ALK: variants seen among roughly 807,000 people sequenced by gnomAD.
ALK encodes the protein ALK tyrosine kinase receptor.
A neutral mutation model predicts 163.1 loss-of-function variants in ALK; 74 were observed. That is an observed-to-expected ratio of 0.45 (90% CI 0.38 to 0.55). The LOEUF is 0.55. ALK is among the 20% of genes least tolerant of loss of function. The probability of loss-of-function intolerance (pLI) is 0.00; values close to 1 mark genes in which losing one functional copy is unlikely to be tolerated. For missense variants in ALK, 2,063 were observed against 2,105.3 expected (o/e 0.98, Z 0.39); for synonymous variants, 960 against 843.2 (o/e 1.14, Z -2.40).
At chr2:29,616,085 C>T (rs1295199155) in intron 3 of ALK, among the ~76,000 whole-genome samples, 1 of 152,214 alleles carries the variant, frequency 6.6e-6, no homozygotes, top group Non-Finnish European at 1.5e-5. Flanking sequence ...AGGCCGACAT[C>T]TCTACAGCGG....
At chr2:29,685,495 A>G (rs953744032) in intron 3 of ALK, among the ~76,000 whole-genome samples, 1 of 152,162 alleles carries the variant, frequency 6.6e-6, no homozygotes, top group Non-Finnish European at 1.5e-5. Context: ...TTCTGTTTAT[A>G]GTGGAGGAGA....
intron 12 of ALK, among the ~76,000 whole-genome samples, chr2:29,250,200 G>A (rs1476223256): frequency 3.9e-5 from 6 of 152,184 alleles, no homozygotes; most frequent in Admixed American, 6.5e-5. Flanking sequence ...CTCCATGGTG[G>A]AGCCACGGGA....
At chr2:29,560,144 A>C (rs553320734) in intron 3 of ALK, among the ~76,000 whole-genome samples, 1 of 152,232 alleles carries the variant, frequency 6.6e-6, no homozygotes, top group African/African-American at 2.4e-5. Context: ...AGATTTGTAC[A>C]TGACTGTCCA....
chr2:29,644,421 C>A (rs1676814108), intron 3 of ALK, among the ~76,000 whole-genome samples: 1 of 151,862 alleles, frequency 6.6e-6, no homozygotes, highest in South Asian at 2.1e-4. Context: ...GGAAAGAAAT[C>A]TAGTAGTTTC....
chr2:29,722,004 A>T (rs1175788974), intron 1 of ALK, among the ~76,000 whole-genome samples: 2 of 152,222 alleles, frequency 1.3e-5, no homozygotes, highest in African/African-American at 2.4e-5. Context: ...TACATTGAAC[A>T]ACTCTAGGTC....
At chr2:29,790,957 G>T (rs1448207940) in intron 1 of ALK, among the ~76,000 whole-genome samples, 1 of 152,124 alleles carries the variant, frequency 6.6e-6, no homozygotes, top group African/African-American at 2.4e-5. Flanking sequence ...GACAGCAAAG[G>T]CTCTGAAGCC....
At chr2:29,386,647 C>G (rs535494529) in intron 4 of ALK, among the ~76,000 whole-genome samples, 1 of 152,212 alleles carries the variant, frequency 6.6e-6, no homozygotes, top group Non-Finnish European at 1.5e-5. Context: ...TATATTGGCA[C>G]TAGCCCTCTG....
chr2:29,884,228 G>A (rs988590489), intron 1 of ALK, among the ~76,000 whole-genome samples: 1 of 152,128 alleles, frequency 6.6e-6, no homozygotes, highest in Non-Finnish European at 1.5e-5. Flanking sequence ...ATAGTAAAAT[G>A]TGATCTCTCA....
At chr2:29,791,375 A>T (rs1331080466) in intron 1 of ALK, among the ~76,000 whole-genome samples, 1 of 152,192 alleles carries the variant, frequency 6.6e-6, no homozygotes, top group Non-Finnish European at 1.5e-5. Flanking sequence ...CAAACTACAC[A>T]AGAACAGAAA....
intron 1 of ALK, among the ~76,000 whole-genome samples, chr2:29,805,992 G>A (rs1313717602): frequency 6.6e-6 from 1 of 152,186 alleles, no homozygotes; most frequent in Non-Finnish European, 1.5e-5. Flanking sequence ...CCATGTACAT[G>A]TGAGTGAGGA....
chr2:29,311,257 C>T (rs1666685980), intron 8 of ALK, among the ~76,000 whole-genome samples: 1 of 152,152 alleles, frequency 6.6e-6, no homozygotes, highest in African/African-American at 2.4e-5. Flanking sequence ...CAAAATGCAC[C>T]ATCTATGAGC....
chr2:29,347,731 C>T (rs555981519), intron 5 of ALK, among the ~76,000 whole-genome samples: 2 of 152,152 alleles, frequency 1.3e-5, no homozygotes, highest in Non-Finnish European at 2.9e-5. Context: ...ATTGACTGCT[C>T]AGTAAATAAG....
intron 4 of ALK, among the ~76,000 whole-genome samples, chr2:29,506,105 G>GT (rs1672313022): frequency 1.3e-5 from 2 of 152,180 alleles, no homozygotes; most frequent in Admixed American, 6.5e-5. Flanking sequence ...GGCTGACTAG[G>GT]TGGGTACAGA....
chr2:29,905,673 C>A (rs1667526762), intron 1 of ALK, among the ~76,000 whole-genome samples: 1 of 151,834 alleles, frequency 6.6e-6, no homozygotes, highest in African/African-American at 2.4e-5. Context: ...AGAAGGAATC[C>A]CTTTTCCTAC....
intron 11 of ALK, among the ~76,000 whole-genome samples, chr2:29,261,788 C>T (rs1260960709): frequency 6.6e-6 from 1 of 152,166 alleles, no homozygotes. Flanking sequence ...TCTCTCGGTA[C>T]TGCAGCATGT....
intron 4 of ALK, among the ~76,000 whole-genome samples, chr2:29,457,994 A>G (rs1311758706): frequency 6.6e-6 from 1 of 152,124 alleles, no homozygotes; most frequent in Admixed American, 6.5e-5. Flanking sequence ...ACTCTCACCA[A>G]TAGCCTTTGT....
At position 29,921,467 on chromosome 2, in the gene ALK, G is replaced by C; in HGVS notation, c.-808C>G. 1 of 232,166 alleles carries C rather than the reference G, an allele frequency of 4.3e-6. No individual in the cohort carries two copies. The highest frequency in any genetic ancestry group is 8.5e-6 in the Non-Finnish European group (1 of 117,280). The allele number at this position is 232,166 out of a possible 1,614,324, so 14.4% of individuals were successfully genotyped here. A position where few individuals can be genotyped will look rare whatever the true frequency, so the allele number is the denominator to read the frequency against. ...CCCATCATCAGCGCCCGCGGCTTTG[G>C]GTGGCCGACCAGAGGGCGGCCGGAA... On this transcript the variant is annotated 5_prime_UTR_variant, in exon 1 of 29. Transcript: ENST00000389048.
chr2:29,616,648 A>G (rs1174877282), intron 3 of ALK, among the ~76,000 whole-genome samples: 1 of 152,128 alleles, frequency 6.6e-6, no homozygotes, highest in African/African-American at 2.4e-5. Context: ...CCCTTCCTAA[A>G]CTTTCTAACA....
At chr2:29,282,989 G>A (rs1665753323) in intron 9 of ALK, among the ~76,000 whole-genome samples, 1 of 152,170 alleles carries the variant, frequency 6.6e-6, no homozygotes, top group African/African-American at 2.4e-5. Context: ...TCTGTGTAGT[G>A]TATGTTGAGC....
Sources: allele counts gnomAD v4.1 joint callset (sites outside exome capture counted in the v4.1 genomes callset), GRCh38; gene constraint gnomAD v4.1.1; transcripts MANE v1.5; gene names NCBI Gene and HGNC (gene_info 2026-07-23, HGNC 2026-07-21).